The following VPS13D variants were observed in gnomAD, a reference collection of about 807,000 sequenced individuals.
VPS13D encodes vacuolar protein sorting 13 homolog D.
VPS13D carries 187 observed loss-of-function variants against 461.9 expected under a neutral mutation model. That is an observed-to-expected ratio of 0.40 (90% confidence interval 0.36 to 0.46). The LOEUF is 0.46. VPS13D is among the 20% of genes least tolerant of loss of function. The pLI is 0.60. For missense variants in VPS13D, 4,711 were observed against 5,364.9 expected, an observed-to-expected ratio of 0.88 and a Z score of 3.81; for synonymous variants, 1,951 against 1,986.3, an observed-to-expected ratio of 0.98 and a Z score of 0.47.
intron 67 of VPS13D, among the ~76,000 whole-genome samples, chr1:12,474,163 C>T (rs947072204): frequency 2.6e-5 from 4 of 151,980 alleles, no homozygotes; most frequent in African/African-American, 7.3e-5. Context: ...CTAGGACAAC[C>T]GAGAATGATG....
chr1:12,320,154 C>T (rs749833785), intron 32 of VPS13D, among the ~76,000 whole-genome samples: 3 of 152,210 alleles, frequency 2.0e-5, no homozygotes, highest in Admixed American at 1.3e-4. Context: ...CTGAAAGGAG[C>T]GCATGGATAA....
chr1:12,254,329 C>T (rs1640840578), intron 7 of VPS13D, among the ~76,000 whole-genome samples: 1 of 152,060 alleles, frequency 6.6e-6, no homozygotes, highest in South Asian at 2.1e-4. Flanking sequence ...GCATGAGCCC[C>T]CACACCCGGC....
At chr1:12,309,314 G>A (rs1427621658) in intron 27 of VPS13D, among the ~76,000 whole-genome samples, 3 of 149,902 alleles carry the variant, frequency 2.0e-5, no homozygotes, top group East Asian at 2.0e-4. Flanking sequence ...GGGTTCAAGC[G>A]ATTCTCCTTC....
At chr1:12,319,912 C>G (rs1209518936) in intron 32 of VPS13D, among the ~76,000 whole-genome samples, 4 of 152,258 alleles carry the variant, frequency 2.6e-5, no homozygotes, top group African/African-American at 9.6e-5. Flanking sequence ...CCAGTCCCCA[C>G]TGCCCTGTCA....
chr1:12,367,589 T>TATTTATTTA (rs1197344019), intron 52 of VPS13D: 1 of 151,824 alleles, frequency 6.6e-6, no homozygotes. Context: ...TTTATTTATT[T>TATTTATTTA]TTGGAAACAG....
chr1:12,277,730 T>C lies in VPS13D; in HGVS notation c.4142T>C (p.Ile1381Thr). Residue 1381 changes from isoleucine to threonine, a missense_variant, in exon 19 of 70, where the codon ATT becomes ACT. By Grantham distance (89) the Ile-to-Thr change is moderately conservative. Coordinates refer to ENST00000620676, the MANE Select transcript of VPS13D (RefSeq NM_015378.4). ...DTVKLILNIN[I>T]ESPVVSIPRK... is the part of the protein sequence containing the mutation. ...GTAAAGCTAATCTTGAACATAAACA[T>C]TGAATCACCAGTTGTTTCTATCCCT... The C allele has an allele frequency of 1.2e-6, 2 of 1,614,224 alleles. No homozygotes were observed. The highest frequency in any genetic ancestry group is 1.7e-6 in the Non-Finnish European group (2 of 1,180,028).
intron 7 of VPS13D, among the ~76,000 whole-genome samples, chr1:12,254,513 C>CTTTTTTTT (rs1017635589): frequency 5.1e-5 from 4 of 78,256 alleles, no homozygotes; most frequent in African/African-American, 5.0e-5. Context: ...AAATCTCAAT[C>CTTTTTTTT]TTTTTTTTTT....
intron 35 of VPS13D, among the ~76,000 whole-genome samples, chr1:12,325,002 A>G (rs1178394007): frequency 2.6e-5 from 4 of 152,078 alleles, no homozygotes; most frequent in Non-Finnish European, 4.4e-5. Flanking sequence ...TTTCTACTCC[A>G]TCTCACTTCC....
intron 24 of VPS13D, 86 bp downstream of exon 24, chr1:12,293,790 T>A: frequency 7.3e-7 from 1 of 1,363,366 alleles, no homozygotes; most frequent in Non-Finnish European, 9.9e-7. Context: ...TCTGGAAGAG[T>A]AAAGGTAAGT....
At position 12,311,556 on chromosome 1, in the gene VPS13D, A is replaced by G. The variant is rs1642749648; in HGVS notation, c.6753A>G (p.Leu2251=). The G allele has an allele frequency of 1.2e-6, 2 of 1,614,184 alleles. No homozygotes were observed. The highest frequency in any genetic ancestry group is 1.1e-5 in the South Asian group (1 of 91,082). ...LYKYKLIRGL[L]ENNLGEPIEE... ...AATACAAGCTGATCCGCGGCTTATT[A>G]GAGAACAACCTGGGAGAACCCATAG... Residue 2251 remains leucine (L), a synonymous_variant, in exon 28 of 70, where the codon TTA becomes TTG. Coordinates refer to ENST00000620676, the MANE Select transcript of VPS13D (RefSeq NM_015378.4).
chr1:12,333,162 C>A, intron 37 of VPS13D, 64 bp from the exon 38 acceptor site: 1 of 1,534,846 alleles, frequency 6.5e-7, no homozygotes, highest in Non-Finnish European at 8.8e-7. Flanking sequence ...CATTTGCGAG[C>A]AGTGTTCCCC....
intron 60 of VPS13D, among the ~76,000 whole-genome samples, chr1:12,386,923 A>G (rs1485490837): frequency 6.6e-6 from 1 of 152,210 alleles, no homozygotes; most frequent in Non-Finnish European, 1.5e-5. Flanking sequence ...AAGTTGAGAA[A>G]ACAGAGCTGA....
Position 12,466,133 on chromosome 1 carries a change from A to T in VPS13D, c.12662+5737A>T, listed in dbSNP as rs574143623. On this transcript the variant is annotated intron_variant, in intron 67 of 69. Transcript: ENST00000620676. ...CTGGCGACAGAGCGAGACTCCATCT[A>T]AAAAAAAAAAAAAAATAGTCTGCAA... is the stretch of plus-strand genomic sequence containing the variant. Among the ~76,000 whole-genome samples the T allele has an allele frequency of 3.9e-3, 542 of 138,908 alleles. 3 individuals carry two copies. Among genetic ancestry groups the T allele is most frequent in the African/African-American group, 0.013 (517 of 38,714 alleles). The allele number at this position is 138,908 out of a possible 152,430, so 91.1% of individuals were successfully genotyped here. A position where few individuals can be genotyped will look rare whatever the true frequency, so the allele number is the denominator to read the frequency against.
At chr1:12,361,337 A>G (rs866809656) in intron 50 of VPS13D, among the ~76,000 whole-genome samples, 3 of 151,560 alleles carry the variant, frequency 2.0e-5, no homozygotes, top group Non-Finnish European at 4.4e-5. Flanking sequence ...TGAATGAGTG[A>G]ATAAATTCAT....
At chr1:12,268,596 T>C (rs1641344019) in intron 15 of VPS13D, 110 bp from the exon 16 acceptor site, 3 of 1,267,414 alleles carry the variant, frequency 2.4e-6, no homozygotes, top group East Asian at 2.4e-5. Context: ...TGTGAACTAA[T>C]TGAAAAATAA....
chr1:12,415,354 C>A, intron 64 of VPS13D, 133 bp downstream of exon 64: 2 of 1,164,208 alleles, frequency 1.7e-6, no homozygotes, highest in Non-Finnish European at 2.5e-6. Context: ...TGTTACGGGT[C>A]AGGTCACTTC....
intron 34 of VPS13D, 106 bp from the exon 35 acceptor site, chr1:12,323,600 G>A (rs890779928): frequency 2.0e-5 from 22 of 1,104,238 alleles, no homozygotes; most frequent in Non-Finnish European, 2.8e-5. Context: ...GAAATGAAAT[G>A]TTTTAGTCAC....
At chr1:12,463,880 A>C (rs1645445126) in intron 67 of VPS13D, among the ~76,000 whole-genome samples, 1 of 152,180 alleles carries the variant, frequency 6.6e-6, no homozygotes, top group Non-Finnish European at 1.5e-5. Flanking sequence ...TTTCATCTAT[A>C]AAGTGGGGAT....
intron 31 of VPS13D, among the ~76,000 whole-genome samples, chr1:12,319,010 A>C (rs1642961519): frequency 6.6e-6 from 1 of 152,246 alleles, no homozygotes; most frequent in African/African-American, 2.4e-5. Context: ...TATACACATA[A>C]GTTGAAAACT....
Sources: gnomAD v4.1 joint callset for allele counts (sites outside exome capture counted in the v4.1 genomes callset) on GRCh38, gnomAD v4.1.1 for gene constraint, MANE v1.5 for transcripts, NCBI Gene and HGNC (gene_info 2026-07-23, HGNC 2026-07-21) for gene names.